The following CCDC159 variants were observed in gnomAD, a reference collection of about 807,000 sequenced individuals.
CCDC159 encodes coiled-coil domain containing 159.
In CCDC159, 40 loss-of-function variants were observed where a neutral mutation model predicts 50.9. The ratio of observed to expected loss-of-function variants is 0.79; its 90% confidence interval spans 0.61 to 1.02. The LOEUF (loss-of-function observed/expected upper bound fraction) is 1.02. Ranked by LOEUF, CCDC159 falls within the 50% of genes least tolerant of loss-of-function variation. The pLI is 0.00. For missense variants in CCDC159, 356 were observed against 371.5 expected (o/e 0.96, Z 0.34); for synonymous variants, 146 against 138.9 (o/e 1.05, Z -0.36).
intron 1 of CCDC159, among the ~76,000 whole-genome samples, chr19:11,347,475 C>T (rs559994608): frequency 6.6e-6 from 1 of 152,308 alleles, no homozygotes; most frequent in Non-Finnish European, 1.5e-5. Flanking sequence ...AGATTACAGG[C>T]ATGCGCCACC....
In CCDC159 at chr19:11,351,085, A is replaced by G. The variant is rs369896206; in HGVS notation, c.422+82A>G. On this transcript the variant is annotated intron_variant, in intron 5 of 10. Coordinates refer to ENST00000458408, the MANE Select transcript of CCDC159 (RefSeq NM_001080503.3). The stretch of plus-strand genomic sequence containing the variant: ...CTGGGGAATGGAGGCAGGATGGGGG[A>G]AATGGCAGATGCCTGGGGGAGGGGG... 1.2e-4 allele frequency: 166 copies of G among 1,333,854 alleles called. 1 individual carries two copies. In the African/African-American group the frequency reaches 1.4e-3, roughly 11 times the overall value. The allele number at this position is 1,333,854 out of a possible 1,614,324, so 82.6% of individuals were successfully genotyped here.
At position 11,353,802 on chromosome 19, in the gene CCDC159, C is replaced by G. The variant is rs1315355741; in HGVS notation, c.700C>G (p.His234Asp). The change falls in exon 9 of 11, where the codon CAC becomes GAC. Residue 234 changes from histidine to aspartate, a missense_variant. Physicochemically the swap from His to Asp is moderately conservative, Grantham distance 81 (BLOSUM62 -1). Coordinates refer to ENST00000458408, the MANE Select transcript of CCDC159 (RefSeq NM_001080503.3). ...CTTGTCTTCTTGCAGGTCTGCTGTG[C>G]ACGTGCTGCAGAACTCCATAGACAG... ...KELSDIWSAVHVLQNSIDSLT... is the reference protein window; with the variant it reads ...KELSDIWSAVDVLQNSIDSLT... The G allele has an allele frequency of 1.9e-6, 3 of 1,597,050 alleles. No individual in the cohort carries two copies. Among genetic ancestry groups the G allele is most frequent in the Non-Finnish European group, 2.6e-6 (3 of 1,171,924 alleles).
Position 11,353,570 on chromosome 19 carries a change from A to G in CCDC159, c.687A>G (p.Ile229Met). 6.2e-7 allele frequency: 1 copy of G among 1,612,652 alleles called. No individual in the cohort carries two copies. ...ACCTCCAGAAGGAACTGAGTGATAT[A>G]TGGTGATGCCCAGCCTGCAGTCTGA... ...KDDLQKELSD[I>M]WSAVHVLQNS... Residue 229 changes from isoleucine (I) to methionine (M), a missense_variant and splice_region_variant, in exon 8 of 11, where the codon ATA becomes ATG. By Grantham distance (10) the Ile-to-Met change is conservative. Coordinates refer to ENST00000458408, the MANE Select transcript of CCDC159 (RefSeq NM_001080503.3).
In CCDC159 at chr19:11,349,937, G is replaced by T; in HGVS notation, c.56-1G>T. 6.2e-7 allele frequency: 1 copy of T among 1,613,644 alleles called. No individual in the cohort carries two copies. Among genetic ancestry groups the T allele is most frequent in the South Asian group, 1.1e-5 (1 of 91,060 alleles). On this transcript the variant is annotated splice_acceptor_variant, in intron 2 of 10. Transcript: ENST00000458408. LOFTEE classifies it high-confidence loss of function. ...TGGCTCACCCTCTTCTCTGCCCACA[G>T]CCAAGACCATTGTGATGATTCCCGA...
intron 9 of CCDC159, among the ~76,000 whole-genome samples, chr19:11,354,093 G>A: frequency 6.6e-6 from 1 of 152,154 alleles, no homozygotes; most frequent in East Asian, 1.9e-4. Context: ...ATGAGTCCAT[G>A]GGGACTCCAC....
In CCDC159 at chr19:11,354,876, G is replaced by A. The variant is rs1967807093; in HGVS notation, c.893G>A (p.Ter298=). The A allele has an allele frequency of 3.7e-6, 6 of 1,613,446 alleles. No homozygotes were observed. Among genetic ancestry groups the A allele is most frequent in the Admixed American group, 1.7e-5 (1 of 59,990 alleles). The change falls in exon 11 of 11, where the codon TGA becomes TAA. Residue 298 remains the stop codon, a stop_retained_variant. Coordinates refer to ENST00000458408, the MANE Select transcript of CCDC159 (RefSeq NM_001080503.3). ...SKSGRSFPPA[*] is the part of the protein sequence containing the mutation. ...GACCCACCCTCTCTCTCCACAGCTT[G>A]AGCAGCCGGGACTGCTCTCCCTGAA... is the stretch of plus-strand genomic sequence containing the variant.
At chr19:11,348,848 T>A in intron 1 of CCDC159, 1 of 616,050 alleles carries the variant, frequency 1.6e-6, no homozygotes. Flanking sequence ...CCTGCTAACA[T>A]GAAGTGTGAC....
rs202020845 is a variant in CCDC159, at chr19:11,354,680, C to T, written c.873C>T (p.Gly291=). 4 of 1,607,124 alleles carry T rather than the reference C, an allele frequency of 2.5e-6. No individual in the cohort carries two copies. In the African/African-American group the frequency reaches 5.3e-5, roughly 21 times the overall value. Residue 291 remains glycine, a synonymous_variant, in exon 10 of 11, where the codon GGC becomes GGT. Coordinates refer to ENST00000458408, the MANE Select transcript of CCDC159 (RefSeq NM_001080503.3). The part of the protein sequence containing the change: ...DLSQPPFSKS[G]RSFPPA ...CCCAGCCACCTTTCAGCAAGAGCGG[C>T]CGCTCCTTCCCACCCGGTGCAGATC... is the stretch of plus-strand genomic sequence containing the variant.
intron 1 of CCDC159, among the ~76,000 whole-genome samples, chr19:11,347,256 A>T (rs759898449): frequency 6.6e-6 from 1 of 152,176 alleles, no homozygotes; most frequent in African/African-American, 2.4e-5. Flanking sequence ...CCGGCACTCA[A>T]TTAGGTGCTC....
rs777339688 is a variant in CCDC159, at chr19:11,353,597, C to T, written c.689+25C>T. ...GGTGATGCCCAGCCTGCAGTCTGAC[C>T]CCTGACCCTCCTCTGAACCCGTTCC... On this transcript the variant is annotated intron_variant, in intron 8 of 10. Transcript: ENST00000458408. 6 of 1,608,206 alleles carry T rather than the reference C, an allele frequency of 3.7e-6. No individual in the cohort carries two copies. In the South Asian group the frequency reaches 5.5e-5, roughly 15 times the overall value.
chr19:11,350,005 C>G lies in CCDC159; in HGVS notation c.123C>G (p.Ser41Arg), dbSNP rs774274832. 6.2e-7 allele frequency: 1 copy of G among 1,613,796 alleles called. No individual in the cohort carries two copies. Among genetic ancestry groups the G allele is most frequent in the Admixed American group, 1.7e-5 (1 of 59,982 alleles). ...GATGTGAACTTGAGTCACTCAAGAG[C>G]CAGTTACAGGCCCAGACCAAGGTGA... ...LLRCELESLKSQLQAQTKAFE... is the reference protein window; with the variant it reads ...LLRCELESLKRQLQAQTKAFE... The change falls in exon 3 of 11, where the codon AGC becomes AGG. Residue 41 changes from serine to arginine, a missense_variant. Transcript: ENST00000458408.
intron 2 of CCDC159, 65 bp from the exon 3 acceptor site, chr19:11,349,873 C>T (rs2144627892): frequency 6.7e-7 from 1 of 1,491,210 alleles, no homozygotes; most frequent in Admixed American, 1.7e-5. Flanking sequence ...TTGCTGACCT[C>T]TGCCCTGCCC....
intron 4 of CCDC159, among the ~76,000 whole-genome samples, 154 bp downstream of exon 4, chr19:11,350,353 A>T (rs926962784): frequency 4.3e-5 from 3 of 70,246 alleles, no homozygotes; most frequent in Non-Finnish European, 9.6e-5. Flanking sequence ...ATATCTACTT[A>T]AAAAAAAAAA....
chr19:11,353,765 C>A (rs568436297), intron 8 of CCDC159, 27 bp from the exon 9 acceptor site: 11 of 1,573,066 alleles, frequency 7.0e-6, no homozygotes, highest in African/African-American at 1.4e-5. Flanking sequence ...AGTCTCCCAG[C>A]GCCCCCAGCT....
rs1246066354 is a variant in CCDC159, at chr19:11,350,171, G to A, written c.198G>A (p.Leu66=). The change falls in exon 4 of 11, where the codon TTG becomes TTA. Residue 66 remains leucine (L), a synonymous_variant. Transcript: ENST00000458408. The part of the protein sequence containing the change: ...SVTMLEKESC[L]QQIKIQQLEE... ...CCATGTTGGAGAAGGAGAGCTGCTT[G>A]CAGCAAATCAAGATTCAGCAGCTTG... 1 of 1,612,852 alleles carries A rather than the reference G, an allele frequency of 6.2e-7. No homozygotes were observed. The highest frequency in any genetic ancestry group is 8.5e-7 in the Non-Finnish European group (1 of 1,179,514).
At chr19:11,348,584 T>C (rs12976608) in intron 1 of CCDC159, among the ~76,000 whole-genome samples, 64,353 of 152,122 alleles carry the variant, frequency 0.42, 13,770 homozygotes, top group Non-Finnish European at 0.47. Context: ...CCACCATTGC[T>C]GGCCGCGTCT....
chr19:11,352,324 A>G, intron 7 of CCDC159, 191 bp downstream of exon 7: 1 of 626,476 alleles, frequency 1.6e-6, no homozygotes, highest in South Asian at 1.9e-5. Context: ...ATGTAATAAT[A>G]ACTCATCTTG....
At chr19:11,351,105 AG>A (rs1967549215) in intron 5 of CCDC159, 102 bp downstream of exon 5, 1 of 948,760 alleles carries the variant, frequency 1.1e-6, no homozygotes, top group Non-Finnish European at 1.5e-6. Flanking sequence ...TGCCTGGGGG[AG>A]GGGGACTGAG....
chr19:11,354,160 T>C (rs1275127187), intron 9 of CCDC159, among the ~76,000 whole-genome samples: 1 of 152,152 alleles, frequency 6.6e-6, no homozygotes, highest in Non-Finnish European at 1.5e-5. Context: ...GGAGGATTAC[T>C]TGAGTCTAGG....
Sources: allele counts gnomAD v4.1 joint callset (sites outside exome capture counted in the v4.1 genomes callset), GRCh38; gene constraint gnomAD v4.1.1; transcripts MANE v1.5; gene names NCBI Gene and HGNC (gene_info 2026-07-23, HGNC 2026-07-21).